Variants in NRXN3 observed in about 807,000 individuals in gnomAD.
NRXN3 encodes the protein neurexin 3, also known as neurexin III.
In NRXN3, 32 loss-of-function variants were observed where a neutral mutation model predicts 137.6. The ratio of observed to expected loss-of-function variants is 0.23; its 90% confidence interval spans 0.18 to 0.31. The LOEUF is 0.31. Ranked by LOEUF, NRXN3 falls within the 10% of genes least tolerant of loss-of-function variation. The pLI, the probability that NRXN3 is intolerant of heterozygous loss-of-function variation, is 1.00. For synonymous variants in NRXN3, 798 were observed against 784.5 expected (o/e 1.02, Z -0.29); for missense variants, 1,574 against 2,062.5 (o/e 0.76, Z 4.59).
At chr14:79,738,584 G>C (rs910241548) in intron 19 of NRXN3, among the ~76,000 whole-genome samples, 3 of 152,160 alleles carry the variant, frequency 2.0e-5, no homozygotes, top group Non-Finnish European at 4.4e-5. Context: ...TTGAGACAGA[G>C]TTTCACTCTT....
chr14:79,740,249 T>C (rs559135764), intron 19 of NRXN3, among the ~76,000 whole-genome samples: 1 of 152,226 alleles, frequency 6.6e-6, no homozygotes, highest in East Asian at 1.9e-4. Flanking sequence ...TAATCTCTCT[T>C]CTGAAGTATA....
In NRXN3 at chr14:79,863,528, A is replaced by C. The variant is rs76036077; in HGVS notation, c.*1564A>C. The C allele has an allele frequency of 0.096, 14,601 of 151,766 alleles. 876 individuals are homozygous for C. Among genetic ancestry groups the C allele is most frequent in the East Asian group, 0.27 (1,413 of 5,152 alleles). 9.4% of individuals were successfully genotyped at this position (151,766 alleles called of 1,614,324 possible). ...GTGTCAAAGAGAATTAAAAAAAAAA[A>C]CTTCAGATTTTGTTTACATATTTTA... On this transcript the variant is annotated 3_prime_UTR_variant, in exon 21 of 21. Transcript: ENST00000335750.
intron 8 of NRXN3, among the ~76,000 whole-genome samples, chr14:78,717,904 A>G (rs537821995): frequency 6.6e-6 from 1 of 152,348 alleles, no homozygotes; most frequent in South Asian, 2.1e-4. Context: ...CAAACAGGCA[A>G]GAATGGCCAC....
At chr14:79,690,186 A>C in intron 17 of NRXN3, among the ~76,000 whole-genome samples, 1 of 152,164 alleles carries the variant, frequency 6.6e-6, no homozygotes, top group Non-Finnish European at 1.5e-5. Context: ...GGGTAGGATT[A>C]TGAGTTATAG....
intron 16 of NRXN3, among the ~76,000 whole-genome samples, chr14:79,486,270 G>T (rs912560731): frequency 2.0e-5 from 3 of 151,932 alleles, no homozygotes; most frequent in Non-Finnish European, 4.4e-5. Context: ...AAATGTTTTT[G>T]GTTGTCTATA....
intron 10 of NRXN3, among the ~76,000 whole-genome samples, chr14:78,941,623 A>G (rs1012087777): frequency 2.0e-5 from 3 of 152,232 alleles, no homozygotes; most frequent in African/African-American, 7.2e-5. Context: ...ATAAACCCAG[A>G]TAAGCTTGGC....
At chr14:79,848,596 T>A (rs2141656995) in intron 20 of NRXN3, among the ~76,000 whole-genome samples, 1 of 152,264 alleles carries the variant, frequency 6.6e-6, no homozygotes, top group Admixed American at 6.5e-5. Flanking sequence ...AGGTAATATA[T>A]TTTACAACAT....
At chr14:78,501,720 C>T (rs1042068573) in intron 4 of NRXN3, among the ~76,000 whole-genome samples, 13 of 152,070 alleles carry the variant, frequency 8.5e-5, no homozygotes, top group East Asian at 1.9e-4. Context: ...ATGAGTTACC[C>T]GTGAGCTACC....
intron 15 of NRXN3, among the ~76,000 whole-genome samples, chr14:79,413,568 G>C (rs1051110651): frequency 1.2e-4 from 19 of 152,064 alleles, no homozygotes; most frequent in African/African-American, 4.6e-4. Context: ...ACCAGATTAT[G>C]CACTGCTACT....
chr14:79,147,949 T>A (rs1245426282), intron 15 of NRXN3, among the ~76,000 whole-genome samples: 1 of 152,160 alleles, frequency 6.6e-6, no homozygotes, highest in Admixed American at 6.5e-5. Context: ...TGGGGAGGTC[T>A]TTTTTAAAGC....
At chr14:79,456,366 C>T (rs2096256672) in intron 15 of NRXN3, among the ~76,000 whole-genome samples, 1 of 152,152 alleles carries the variant, frequency 6.6e-6, no homozygotes, top group Non-Finnish European at 1.5e-5. Flanking sequence ...CCAAACTCTT[C>T]TAGTTGTGAA....
intron 16 of NRXN3, among the ~76,000 whole-genome samples, chr14:79,557,200 T>A (rs1309274876): frequency 1.2e-4 from 19 of 152,032 alleles, no homozygotes; most frequent in Admixed American, 1.2e-3. Context: ...CCTTCTTTGC[T>A]TGACTGTGAT....
At chr14:78,726,241 G>A (rs1214376929) in intron 8 of NRXN3, among the ~76,000 whole-genome samples, 1 of 152,008 alleles carries the variant, frequency 6.6e-6, no homozygotes, top group Non-Finnish European at 1.5e-5. Context: ...TGCAGAACGT[G>A]CAGTTTTTTT....
At chr14:79,747,048 C>A (rs1373752505) in intron 19 of NRXN3, among the ~76,000 whole-genome samples, 1 of 152,086 alleles carries the variant, frequency 6.6e-6, no homozygotes, top group Non-Finnish European at 1.5e-5. Context: ...ATTTGGCTCT[C>A]AGCAGTTGAT....
In NRXN3 at chr14:79,067,232, T is replaced by G. The variant is rs192976467; in HGVS notation, c.3262+79091T>G. ...CATCTATTGAGATAATCATGTGATT[T>G]TTGTCTTTAGTTCTGTTAATATGAT... is the stretch of plus-strand genomic sequence containing the variant. On this transcript the variant is annotated intron_variant, in intron 15 of 20. Transcript: ENST00000335750. Among the ~76,000 whole-genome samples, 8 of 152,302 alleles carry G rather than the reference T, an allele frequency of 5.3e-5. No individual in the cohort carries two copies. The East Asian group carries it at 1.5e-3, about 29-fold the overall frequency.
At position 79,595,994 on chromosome 14, in the gene NRXN3, C is replaced by T. The variant is rs113781201; in HGVS notation, c.3445-67784C>T. Among the ~76,000 whole-genome samples the T allele has an allele frequency of 2.6e-3, 398 of 151,042 alleles. 1 individual carries two copies. Among genetic ancestry groups the T allele is most frequent in the Non-Finnish European group, 4.0e-3 (271 of 67,906 alleles). On this transcript the variant is annotated intron_variant, in intron 16 of 20. Coordinates refer to ENST00000335750, the MANE Select transcript of NRXN3 (RefSeq NM_001330195.2). ...AGCCGGTTTTCCTGATGGTTCATGC[C>T]GTGGGGGAACGGGTCTCTTTCCCAA...
chr14:79,822,243 G>A (rs974679861), intron 20 of NRXN3, among the ~76,000 whole-genome samples: 5 of 152,110 alleles, frequency 3.3e-5, no homozygotes, highest in African/African-American at 1.2e-4. Context: ...TAGAGTACTG[G>A]TTCCCAAGCT....
chr14:79,072,893 T>TC (rs1437370665), intron 15 of NRXN3, among the ~76,000 whole-genome samples: 3 of 151,376 alleles, frequency 2.0e-5, no homozygotes, highest in Admixed American at 1.3e-4. Context: ...TCTCTTTTTT[T>TC]TTTTTTTGAG....
intron 2 of NRXN3, among the ~76,000 whole-genome samples, chr14:78,264,456 CTT>C (rs2071352756): frequency 2.0e-5 from 3 of 152,240 alleles, no homozygotes; most frequent in African/African-American, 7.2e-5. Context: ...AAAATCCTCT[CTT>C]GTGGAAAATT....
Sources: allele counts gnomAD v4.1 joint callset (sites outside exome capture counted in the v4.1 genomes callset), GRCh38; gene constraint gnomAD v4.1.1; transcripts MANE v1.5; gene names NCBI Gene and HGNC (gene_info 2026-07-23, HGNC 2026-07-21).